The following KLHDC10 variants were observed in gnomAD, a reference collection of about 807,000 sequenced individuals.
KLHDC10 encodes kelch domain-containing protein 10.
In KLHDC10, 24 loss-of-function variants were observed where a neutral mutation model predicts 56.1. That is an observed-to-expected ratio of 0.43 (90% confidence interval 0.31 to 0.60). The LOEUF (loss-of-function observed/expected upper bound fraction) is 0.60. KLHDC10 is among the 20% of genes least tolerant of loss of function. The pLI is 0.11. For missense variants in KLHDC10, 349 were observed against 567.0 expected (o/e 0.62, Z 3.91); for synonymous variants, 188 against 207.1 (o/e 0.91, Z 0.79).
chr7:130,079,703 TTGCC>T (rs201223332), intron 1 of KLHDC10, among the ~76,000 whole-genome samples: 8 of 145,426 alleles, frequency 5.5e-5, no homozygotes. Flanking sequence ...ATTTCAAAGC[TTGCC>T]TGCCTGCCTG....
intron 2 of KLHDC10, among the ~76,000 whole-genome samples, chr7:130,112,076 T>G (rs910207512): frequency 3.9e-5 from 6 of 152,252 alleles, no homozygotes; most frequent in Non-Finnish European, 5.9e-5. Context: ...AAATTTTAAA[T>G]GCATATTCCT....
intron 3 of KLHDC10, among the ~76,000 whole-genome samples, chr7:130,117,832 A>C (rs1796187588): frequency 7.3e-6 from 1 of 136,146 alleles, no homozygotes; most frequent in Non-Finnish European, 1.5e-5. Flanking sequence ...CCTGGGTGAC[A>C]GAGTAAGACC....
At position 130,134,977 on chromosome 7, in the gene KLHDC10, A is replaced by AT. The variant is rs985724963; in HGVS notation, c.*4233dup. ...GCAATGGCCTTTCCCTTCTAAGGTC[A>AT]TTAGATTCAGCCAAAAGCGACCTCT... is the stretch of plus-strand genomic sequence containing the variant. On this transcript the variant is annotated 3_prime_UTR_variant, in exon 10 of 10. Coordinates refer to ENST00000335420, the MANE Select transcript of KLHDC10 (RefSeq NM_014997.4). 3 of 151,866 alleles carry AT rather than the reference A, an allele frequency of 2.0e-5. No individual in the cohort carries two copies. Among genetic ancestry groups the AT allele is most frequent in the African/African-American group, 7.3e-5 (3 of 41,262 alleles). The allele number at this position is 151,866 out of a possible 1,614,324, so 9.4% of individuals were successfully genotyped here.
At chr7:130,083,244 C>G (rs1407730136) in intron 1 of KLHDC10, among the ~76,000 whole-genome samples, 1 of 152,154 alleles carries the variant, frequency 6.6e-6, no homozygotes, top group African/African-American at 2.4e-5. Context: ...TGAGTCAAGC[C>G]AGAAATGTGG....
At chr7:130,118,369 T>G (rs146272282) in intron 3 of KLHDC10, among the ~76,000 whole-genome samples, 4 of 152,280 alleles carry the variant, frequency 2.6e-5, no homozygotes, top group African/African-American at 9.6e-5. Context: ...CTTCTGCAGC[T>G]TCCTTACCTC....
At chr7:130,112,205 T>G (rs1281869685) in intron 2 of KLHDC10, among the ~76,000 whole-genome samples, 1 of 152,232 alleles carries the variant, frequency 6.6e-6, no homozygotes, top group African/African-American at 2.4e-5. Flanking sequence ...CTTAACCTTC[T>G]GTCACATTAT....
chr7:130,127,318 C>T (rs1481194020), intron 7 of KLHDC10, 86 bp from the exon 8 acceptor site: 7 of 1,046,228 alleles, frequency 6.7e-6, no homozygotes, highest in South Asian at 1.3e-5. Context: ...TTGAGTTACA[C>T]GTAGTGTGTC....
chr7:130,114,650 C>A (rs1333682561), intron 2 of KLHDC10, among the ~76,000 whole-genome samples: 2 of 152,024 alleles, frequency 1.3e-5, no homozygotes, highest in African/African-American at 4.8e-5. Flanking sequence ...AATTTGCCAA[C>A]TGATTATAGT....
intron 1 of KLHDC10, among the ~76,000 whole-genome samples, chr7:130,077,472 T>G (rs1795527380): frequency 1.3e-5 from 2 of 151,070 alleles, no homozygotes; most frequent in Non-Finnish European, 3.0e-5. Flanking sequence ...CTCACATTTC[T>G]TATTATGTTT....
intron 1 of KLHDC10, among the ~76,000 whole-genome samples, chr7:130,094,113 A>T (rs909650178): frequency 5.9e-5 from 9 of 151,692 alleles, no homozygotes; most frequent in African/African-American, 2.2e-4. Flanking sequence ...TTTAGTAGAG[A>T]TGGGGTTTTG....
rs148079673 is a variant in KLHDC10 at position 130,119,934 on chromosome 7, G to A, written c.476-815G>A. 6.3e-3 allele frequency among the ~76,000 whole-genome samples: 950 copies of A among 151,916 alleles called. 4 individuals are homozygous for A. Among genetic ancestry groups the A allele is most frequent in the Middle Eastern group, 0.024 (7 of 292 alleles). On this transcript the variant is annotated intron_variant, in intron 3 of 9. Coordinates refer to ENST00000335420, the MANE Select transcript of KLHDC10 (RefSeq NM_014997.4). Reference sequence around the variant, plus strand: ...GCATATGTATGAGTGAAGAGAATACGTGTGTACAGTGTGCATGTGTATGTT... The same window carrying A: ...GCATATGTATGAGTGAAGAGAATACATGTGTACAGTGTGCATGTGTATGTT...
intron 1 of KLHDC10, among the ~76,000 whole-genome samples, chr7:130,083,752 A>C (rs924580063): frequency 1.3e-5 from 2 of 152,180 alleles, no homozygotes; most frequent in Non-Finnish European, 2.9e-5. Context: ...CATCTCAAAA[A>C]CAAACAAACC....
rs930707572 is a variant in KLHDC10 at position 130,077,373 on chromosome 7, A to C, written c.166+6564A>C. On this transcript the variant is annotated intron_variant, in intron 1 of 9. Transcript: ENST00000335420. The stretch of plus-strand genomic sequence containing the variant: ...TGTCTCAAAAAAAAAAAAAAAAAAA[A>C]AAAAAAAAACAGTATATGTATTTAT... Among the ~76,000 whole-genome samples, 8 of 147,474 alleles carry C rather than the reference A, an allele frequency of 5.4e-5. No individual in the cohort carries two copies. The East Asian group carries it at 7.8e-4, about 14-fold the overall frequency.
intron 4 of KLHDC10, 133 bp from the exon 5 acceptor site, chr7:130,121,921 T>G (rs1490582575): frequency 1.4e-6 from 1 of 701,864 alleles, no homozygotes; most frequent in African/African-American, 1.8e-5. Context: ...TTTATTCTTT[T>G]AAGAGTCTGA....
chr7:130,096,819 T>C, intron 1 of KLHDC10, 102 bp from the exon 2 acceptor site: 1 of 719,310 alleles, frequency 1.4e-6, no homozygotes, highest in Non-Finnish European at 2.3e-6. Context: ...TATTCAAGTA[T>C]TGTTTTGTTT....
At chr7:130,106,928 A>C (rs1176416661) in intron 2 of KLHDC10, among the ~76,000 whole-genome samples, 1 of 152,226 alleles carries the variant, frequency 6.6e-6, no homozygotes, top group Non-Finnish European at 1.5e-5. Flanking sequence ...CAGTGATTAC[A>C]CTGCTACGTT....
chr7:130,077,209 G>A (rs1215802101), intron 1 of KLHDC10, among the ~76,000 whole-genome samples: 1 of 151,478 alleles, frequency 6.6e-6, no homozygotes, highest in Non-Finnish European at 1.5e-5. Flanking sequence ...ATAAAACTTA[G>A]CCGTTCTTGG....
rs985758196 is a variant in KLHDC10 at position 130,130,050 on chromosome 7, C to G, written c.1119+474C>G. On this transcript the variant is annotated intron_variant, in intron 9 of 9. Transcript: ENST00000335420. This position sits in a 1 kb window ranked among gnomAD's most constrained non-coding sequence, Gnocchi z 4.2. ...CATATATATAGGCCGGGCGCGGTGG[C>G]TCAGGCCTGTAATCCCAGCACTTTG... Among the ~76,000 whole-genome samples the G allele has an allele frequency of 6.6e-6, 1 of 152,076 alleles. No homozygotes were observed. The highest frequency in any genetic ancestry group is 1.5e-5 in the Non-Finnish European group (1 of 68,020).
At chr7:130,109,165 C>A (rs1468069860) in intron 2 of KLHDC10, among the ~76,000 whole-genome samples, 2 of 152,028 alleles carry the variant, frequency 1.3e-5, no homozygotes, top group Non-Finnish European at 2.9e-5. Context: ...CCTTGGCCTC[C>A]CACAGTGCTG....
Sources: gnomAD v4.1 joint callset for allele counts (sites outside exome capture counted in the v4.1 genomes callset) on GRCh38, gnomAD v4.1.1 for gene constraint, Gnocchi (gnomAD v3.1) non-coding constraint, MANE v1.5 for transcripts, NCBI Gene and HGNC (gene_info 2026-07-23, HGNC 2026-07-21) for gene names.